Variants in PAM observed in about 807,000 individuals in gnomAD.
The protein encoded by PAM is peptidylglycine alpha-amidating monooxygenase.
In PAM, 72 loss-of-function variants were observed where a neutral mutation model predicts 122.1. The observed-to-expected ratio is 0.59, with a 90% CI of 0.49 to 0.72. The LOEUF is 0.72. PAM is among the 30% of genes least tolerant of loss of function. PAM has a pLI of 0.00. For missense variants in PAM, 1,106 were observed against 1,183.7 expected (o/e 0.93, Z 0.96); for synonymous variants, 389 against 404.4 (o/e 0.96, Z 0.46).
chr5:103,007,028 T>C lies in PAM; in HGVS notation c.2014+17T>C, dbSNP rs746826952. Reference sequence around the variant, plus strand: ...GGGGAGAAGGTACCCAATAAGACTCTTAATCTCCAGTTGTAATTCTTAGCC... The same window carrying C: ...GGGGAGAAGGTACCCAATAAGACTCCTAATCTCCAGTTGTAATTCTTAGCC... On this transcript the variant is annotated intron_variant, in intron 19 of 25. Coordinates refer to ENST00000438793, the MANE Select transcript of PAM (RefSeq NM_001177306.2). 22 of 1,545,532 alleles carry C rather than the reference T, an allele frequency of 1.4e-5. No individual in the cohort carries two copies. The highest frequency in any genetic ancestry group is 2.0e-5 in the Non-Finnish European group (22 of 1,123,090).
chr5:102,941,247 C>T (rs1755100429), intron 7 of PAM, among the ~76,000 whole-genome samples: 1 of 152,218 alleles, frequency 6.6e-6, no homozygotes, highest in African/African-American at 2.4e-5. Context: ...CACAGGCCAT[C>T]ATTTGTGAAA....
intron 5 of PAM, among the ~76,000 whole-genome samples, chr5:102,921,245 A>C (rs762422720): frequency 2.6e-5 from 4 of 152,158 alleles, no homozygotes; most frequent in Non-Finnish European, 5.9e-5. Flanking sequence ...CCATTGATCA[A>C]GAGTTACATT....
chr5:102,836,994 C>G lies in PAM; in HGVS notation c.-373-28829C>G, dbSNP rs572088023. ...GATAAGAGCTAGCTGTTTCTCTTCT[C>G]CTGCTCTTTTTCTTTACAGTAGCCC... On this transcript the variant is annotated intron_variant, in intron 1 of 25. Coordinates refer to ENST00000438793, the MANE Select transcript of PAM (RefSeq NM_001177306.2). Among the ~76,000 whole-genome samples, 6 of 151,960 alleles carry G rather than the reference C, an allele frequency of 3.9e-5. 1 individual carries two copies. In the South Asian group the frequency reaches 1.0e-3, roughly 26 times the overall value.
At chr5:102,770,450 G>A (rs1029498638) in intron 1 of PAM, among the ~76,000 whole-genome samples, 1 of 151,960 alleles carries the variant, frequency 6.6e-6, no homozygotes, top group Non-Finnish European at 1.5e-5. Context: ...AAAGATCTTA[G>A]AGGAAAGGCT....
chr5:102,866,225 TCTC>T lies in PAM; in HGVS notation c.33_35del (p.Leu12del). ...CTGGCCGCGTCCCTAGCCTGCTAGT[TCTC>T]CTTGTTTTTCCAAGCAGCTGTTTGG... On this transcript the variant is annotated inframe_deletion, in exon 2 of 26. Coordinates refer to ENST00000438793, the MANE Select transcript of PAM (RefSeq NM_001177306.2). 2 of 1,613,708 alleles carry T rather than the reference TCTC, an allele frequency of 1.2e-6. No individual in the cohort carries two copies. Among genetic ancestry groups the T allele is most frequent in the Non-Finnish European group, 1.7e-6 (2 of 1,179,786 alleles).
chr5:102,867,345 A>T lies in PAM; in HGVS notation c.162A>T (p.Ser54=). 2 of 1,608,118 alleles carry T rather than the reference A, an allele frequency of 1.2e-6. No homozygotes were observed. The highest frequency in any genetic ancestry group is 1.7e-6 in the Non-Finnish European group (2 of 1,174,686). Residue 54 remains serine (S), a synonymous_variant, in exon 3 of 26, where the codon TCA becomes TCT. Transcript: ENST00000438793. ...GTTRPVVPID[S]SDFALDIRMP... ...CCAGACCCGTAGTTCCTATTGATTC[A>T]TCAGATTTTGCATTGGATATTCGCA...
intron 1 of PAM, among the ~76,000 whole-genome samples, chr5:102,862,344 C>T (rs375185129): frequency 3.3e-5 from 5 of 151,756 alleles, no homozygotes; most frequent in Admixed American, 1.3e-4. Flanking sequence ...TATAAACATC[C>T]GGGTCTTTGT....
intron 14 of PAM, among the ~76,000 whole-genome samples, chr5:102,967,688 C>T (rs1254724413): frequency 6.8e-6 from 1 of 147,970 alleles, no homozygotes; most frequent in East Asian, 2.0e-4. Context: ...ATGTAAGGTA[C>T]ATTTTTTCAA....
chr5:103,018,558 T>A (rs1213438961), intron 22 of PAM, among the ~76,000 whole-genome samples: 1 of 152,100 alleles, frequency 6.6e-6, no homozygotes, highest in Non-Finnish European at 1.5e-5. Flanking sequence ...CAAATGTGGC[T>A]CTCTCACCAC....
chr5:103,024,109 C>T (rs866146179), intron 23 of PAM, among the ~76,000 whole-genome samples: 3 of 152,054 alleles, frequency 2.0e-5, no homozygotes, highest in African/African-American at 4.8e-5. Context: ...TCCAAGAAGT[C>T]GAAATTTCAG....
intron 13 of PAM, among the ~76,000 whole-genome samples, chr5:102,960,441 G>A (rs1442763259): frequency 6.6e-6 from 1 of 151,928 alleles, no homozygotes; most frequent in Non-Finnish European, 1.5e-5. Context: ...GTTTGCCAGG[G>A]AAAATGGTTA....
At chr5:102,949,794 C>A (rs544418352) in intron 10 of PAM, 108 bp from the exon 11 acceptor site, 2 of 710,678 alleles carry the variant, frequency 2.8e-6, no homozygotes, top group Non-Finnish European at 4.9e-6. Context: ...TCAGTCTTTG[C>A]AGCTCTGAAA....
chr5:102,917,449 A>G (rs749197008), intron 5 of PAM, among the ~76,000 whole-genome samples: 7 of 152,248 alleles, frequency 4.6e-5, no homozygotes, highest in South Asian at 2.1e-4. Context: ...GATGATACCT[A>G]TAACAGTTTT....
At chr5:102,766,248 T>A (rs1479694295) in intron 1 of PAM, among the ~76,000 whole-genome samples, 1 of 152,208 alleles carries the variant, frequency 6.6e-6, no homozygotes, top group Non-Finnish European at 1.5e-5. Flanking sequence ...TATTCCATTG[T>A]AATATATAAT....
intron 9 of PAM, among the ~76,000 whole-genome samples, chr5:102,948,902 C>A (rs1454496641): frequency 6.6e-6 from 1 of 152,028 alleles, no homozygotes; most frequent in African/African-American, 2.4e-5. Flanking sequence ...ATAGCTGATT[C>A]TCCCAAGCTT....
At chr5:103,026,110 T>A (rs753061217) in intron 24 of PAM, among the ~76,000 whole-genome samples, 26 of 152,188 alleles carry the variant, frequency 1.7e-4, no homozygotes, top group Admixed American at 1.5e-3. Flanking sequence ...GAGTTAGTAT[T>A]TTATGAAATC....
Position 103,016,800 on chromosome 5 carries a change from C to T in PAM, c.2332-534C>T, listed in dbSNP as rs141301802. 6.7e-3 allele frequency among the ~76,000 whole-genome samples: 1,013 copies of T among 152,244 alleles called. 7 individuals are homozygous for T. The highest frequency in any genetic ancestry group is 0.012 in the Non-Finnish European group (843 of 68,018). ...ACATTGCTACGTATCTCTTAGTGTA[C>T]ATTTCAAAAAATTAAATGTCCCAAA... On this transcript the variant is annotated intron_variant, in intron 21 of 25. Transcript: ENST00000438793.
intron 3 of PAM, among the ~76,000 whole-genome samples, chr5:102,870,181 T>C (rs552486692): frequency 1.3e-5 from 2 of 151,928 alleles, no homozygotes; most frequent in East Asian, 1.9e-4. Flanking sequence ...GAGTTGGGAA[T>C]TGAGAGACAT....
chr5:102,925,972 C>T (rs144247129), intron 6 of PAM, among the ~76,000 whole-genome samples: 3 of 152,224 alleles, frequency 2.0e-5, no homozygotes, highest in African/African-American at 7.2e-5. Flanking sequence ...CCTCTTTTCA[C>T]AGCAGAAGAA....
Sources: allele counts gnomAD v4.1 joint callset (sites outside exome capture counted in the v4.1 genomes callset), GRCh38; gene constraint gnomAD v4.1.1; transcripts MANE v1.5; gene names NCBI Gene and HGNC (gene_info 2026-07-23, HGNC 2026-07-21).